MCM7: variants seen among roughly 807,000 people sequenced by gnomAD.
MCM7 encodes DNA replication licensing factor MCM7.
In MCM7, 95 loss-of-function variants were observed where a neutral mutation model predicts 83.5. The observed-to-expected ratio is 1.14, with a 90% CI of 0.96 to 1.35. The LOEUF (loss-of-function observed/expected upper bound fraction) is 1.35, where lower values mean the gene tolerates loss of function less well. Ranked by LOEUF, MCM7 falls within the 40% of genes most tolerant of loss-of-function variation. The pLI, the probability that MCM7 is intolerant of heterozygous loss-of-function variation, is 0.00. For missense variants in MCM7, 1,087 were observed against 957.4 expected, an observed-to-expected ratio of 1.14 and a Z score of -1.79; for synonymous variants, 461 against 352.7, an observed-to-expected ratio of 1.31 and a Z score of -3.44.
At position 100,095,779 on chromosome 7, in the gene MCM7, G is replaced by A; in HGVS notation, c.1590C>T (p.Asp530=). The part of the protein sequence containing the change: ...LIQDRPDRDN[D]LRLAQHITYV... The stretch of plus-strand genomic sequence containing the variant: ...GGGTGTTGAGCTTCATTCACCGTAG[G>A]TCATTGTCTCGGTCGGGCCGGTCCT... Residue 530 remains aspartate (D), a synonymous_variant, in exon 11 of 15, where the codon GAC becomes GAT. Transcript: ENST00000303887. 6.3e-7 allele frequency: 1 copy of A among 1,577,010 alleles called. No homozygotes were observed. Among genetic ancestry groups the A allele is most frequent in the African/African-American group, 1.3e-5 (1 of 74,516 alleles).
intron 11 of MCM7, 104 bp downstream of exon 11, chr7:100,095,670 T>A (rs778571298): frequency 7.2e-5 from 105 of 1,455,748 alleles, no homozygotes; most frequent in Non-Finnish European, 9.1e-5. Flanking sequence ...AAGGGGAGGC[T>A]CTGGGGTTTC....
chr7:100,098,939 A>T (rs924815474), intron 5 of MCM7, 84 bp downstream of exon 5: 8 of 1,561,422 alleles, frequency 5.1e-6, no homozygotes, highest in Non-Finnish European at 7.0e-6. Context: ...CAACCAAATA[A>T]AACAATAGGC....
chr7:100,093,417 G>A lies in MCM7; in HGVS notation c.1849-16C>T, dbSNP rs757428191. The A allele has an allele frequency of 1.6e-5, 26 of 1,611,448 alleles. No individual in the cohort carries two copies. Among genetic ancestry groups the A allele is most frequent in the South Asian group, 2.2e-5 (2 of 91,048 alleles). ...TCAGACGTGCCTAAGGGGAAGGTAG[G>A]GGGGAAAGATGGGAACGGGAGGAGG... On this transcript the variant is annotated splice_polypyrimidine_tract_variant and intron_variant, in intron 13 of 14. Coordinates refer to ENST00000303887, the MANE Select transcript of MCM7 (RefSeq NM_005916.5).
chr7:100,099,066 GCCA>G lies in MCM7; in HGVS notation c.536_538del (p.Val179del), dbSNP rs748325812. 1.2e-6 allele frequency: 2 copies of G among 1,614,034 alleles called. No individual in the cohort carries two copies. Among genetic ancestry groups the G allele is most frequent in the Admixed American group, 1.7e-5 (1 of 59,998 alleles). On this transcript the variant is annotated inframe_deletion, in exon 5 of 15. Coordinates refer to ENST00000303887, the MANE Select transcript of MCM7 (RefSeq NM_005916.5). The stretch of plus-strand genomic sequence containing the variant: ...CCCACACTGGTCACAAGTGTAAGTG[GCCA>G]CCACCATCTTGGGTTTGACTTCAGA...
intron 1 of MCM7, 136 bp from the exon 2 acceptor site, chr7:100,100,229 T>C: frequency 2.1e-6 from 3 of 1,435,284 alleles, no homozygotes; most frequent in Non-Finnish European, 2.7e-6. Context: ...CTCCCCAAAG[T>C]GGGCATAACT....
In MCM7 at chr7:100,099,815, T is replaced by C. The variant is rs886693989; in HGVS notation, c.112-62A>G. ...CATTCACTTTGCTCACCAGTGTTCA[T>C]ATGTGAAAATGCATCACTGAGAACT... On this transcript the variant is annotated intron_variant, in intron 2 of 14. Coordinates refer to ENST00000303887, the MANE Select transcript of MCM7 (RefSeq NM_005916.5). 9.5e-5 allele frequency: 152 copies of C among 1,591,744 alleles called. No homozygotes were observed. In the South Asian group the frequency reaches 1.0e-3, roughly 11 times the overall value.
Position 100,101,295 on chromosome 7 carries a change from C to T in MCM7, c.-1G>A, listed in dbSNP as rs534812375. The T allele has an allele frequency of 1.7e-5, 27 of 1,613,282 alleles. No homozygotes were observed. The African/African-American group carries it at 3.6e-4, about 21-fold the overall frequency. On this transcript the variant is annotated 5_prime_UTR_variant, in exon 1 of 15. Transcript: ENST00000303887. ...CTAGCGCGTAGTCCTTCAGTGCCAT[C>T]GCTGCCGAGGGCCGTGCGGCCGCGC...
At position 100,099,389 on chromosome 7, in the gene MCM7, A is replaced by G. The variant is rs1795815484; in HGVS notation, c.291T>C (p.Asp97=). 1.2e-6 allele frequency: 2 copies of G among 1,604,528 alleles called. No individual in the cohort carries two copies. The highest frequency in any genetic ancestry group is 1.7e-6 in the Non-Finnish European group (2 of 1,175,170). ...QYKEREVVNK[D]VLDVYIEHRL... is the part of the protein sequence containing the mutation. ...GATGCTCAATGTAAACGTCCAGGAC[A>G]TCTTTATTTACCACCTAAAGGAGAA... The change falls in exon 4 of 15, where the codon GAT becomes GAC. Residue 97 remains aspartate, a synonymous_variant. Coordinates refer to ENST00000303887, the MANE Select transcript of MCM7 (RefSeq NM_005916.5).
In MCM7 at chr7:100,095,895, A is replaced by G. The variant is rs751673296; in HGVS notation, c.1474T>C (p.Tyr492His). 3.7e-6 allele frequency: 6 copies of G among 1,613,958 alleles called. No homozygotes were observed. The highest frequency in any genetic ancestry group is 5.1e-6 in the Non-Finnish European group (6 of 1,180,004). The change falls in exon 11 of 15, where the codon TAC becomes CAC. Residue 492 changes from tyrosine (Y) to histidine (H), a missense_variant. Physicochemically the swap from Tyr to His is moderately conservative, Grantham distance 83 (BLOSUM62 2). Transcript: ENST00000303887. ...CTGCGGCGAGGGTTGTAGCGCCCGT[A>G]GGCAGGGTTGGCGGCAGCCAGGATG... ...CSILAAANPA[Y>H]GRYNPRRSLE... is the part of the protein sequence containing the mutation.
rs778913504 is a variant in MCM7 at position 100,098,194 on chromosome 7, C to T, written c.817G>A (p.Val273Ile). 47 of 1,614,034 alleles carry T rather than the reference C, an allele frequency of 2.9e-5. 1 individual carries two copies. The Middle Eastern group carries it at 3.5e-3, about 119-fold the overall frequency. Residue 273 changes from valine to isoleucine, a missense_variant, in exon 7 of 15, where the codon GTC becomes ATC. Transcript: ENST00000303887. ...RIAQPGDHVS[V>I]TGIFLPILRT... ...AGGATTGGCAAGAAAATACCAGTGACGCTGACGTGGTCTCCAGGCTGGGCA... is the reference window on the plus strand; with the variant it reads ...AGGATTGGCAAGAAAATACCAGTGATGCTGACGTGGTCTCCAGGCTGGGCA...
At chr7:100,100,515 G>C in intron 1 of MCM7, 2 of 993,438 alleles carry the variant, frequency 2.0e-6, no homozygotes, top group Non-Finnish European at 2.4e-6. Flanking sequence ...TCCCGCCATC[G>C]CTTCCGCTCT....
intron 1 of MCM7, chr7:100,100,765 G>A (rs764414423): frequency 4.1e-5 from 41 of 991,998 alleles, no homozygotes; most frequent in Non-Finnish European, 4.9e-5. Flanking sequence ...ACTCCCTCCA[G>A]CCTCCTCGCG....
Position 100,098,563 on chromosome 7 carries a change from G to C in MCM7, c.720+15C>G. ...TCCCGATCCACCTGCCCAGGGCCAC[G>C]TACCCCAAACTCACATGTTCTTGCA... On this transcript the variant is annotated intron_variant, in intron 6 of 14. Coordinates refer to ENST00000303887, the MANE Select transcript of MCM7 (RefSeq NM_005916.5). 1 of 1,613,894 alleles carries C rather than the reference G, an allele frequency of 6.2e-7. No homozygotes were observed. The highest frequency in any genetic ancestry group is 8.5e-7 in the Non-Finnish European group (1 of 1,179,878).
At chr7:100,098,877 G>A (rs1326734321) in intron 5 of MCM7, 146 bp downstream of exon 5, 3 of 1,342,902 alleles carry the variant, frequency 2.2e-6, no homozygotes, top group Non-Finnish European at 3.0e-6. Context: ...AAAATAGGTA[G>A]AAAGACCACT....
intron 1 of MCM7, 100 bp downstream of exon 1, chr7:100,101,164 A>G: frequency 6.7e-7 from 1 of 1,490,690 alleles, no homozygotes; most frequent in East Asian, 2.3e-5. Context: ...GCACCCCAGA[A>G]CCCGCCGACC....
rs1795931047 is a variant in MCM7, at chr7:100,100,559, A to G, written c.32-466T>C. ...AAAGAAGCACATGGGCCCGGATTCC[A>G]GCCGCTTCACAGCTCGGGATTCCTC... On this transcript the variant is annotated intron_variant, in intron 1 of 14. Coordinates refer to ENST00000303887, the MANE Select transcript of MCM7 (RefSeq NM_005916.5). 6.0e-6 allele frequency: 6 copies of G among 991,864 alleles called. No homozygotes were observed. In the South Asian group the frequency reaches 2.6e-4, roughly 43 times the overall value. 61.4% of individuals were successfully genotyped at this position (991,864 alleles called of 1,614,324 possible).
Position 100,099,003 on chromosome 7 carries a change from G to A in MCM7, c.582+20C>T. 1 of 1,613,200 alleles carries A rather than the reference G, an allele frequency of 6.2e-7. No individual in the cohort carries two copies. Among genetic ancestry groups the A allele is most frequent in the Non-Finnish European group, 8.5e-7 (1 of 1,179,232 alleles). ...ACAACTAATGGGTAAGTGCTTTCCT[G>A]CTTCTTGCTCCACACGTACCGGCTG... On this transcript the variant is annotated intron_variant, in intron 5 of 14. Coordinates refer to ENST00000303887, the MANE Select transcript of MCM7 (RefSeq NM_005916.5).
Position 100,093,145 on chromosome 7 carries a change from G to T in MCM7, c.1959-12C>A. On this transcript the variant is annotated splice_polypyrimidine_tract_variant and intron_variant, in intron 14 of 14. Coordinates refer to ENST00000303887, the MANE Select transcript of MCM7 (RefSeq NM_005916.5). ...CTGGTCTCTGAGTCCTGAAGGAAAT[G>T]AGTGGGTGTGTAAGGTCAGGATACA... is the stretch of plus-strand genomic sequence containing the variant. 1 of 1,612,826 alleles carries T rather than the reference G, an allele frequency of 6.2e-7. No homozygotes were observed. Among genetic ancestry groups the T allele is most frequent in the Non-Finnish European group, 8.5e-7 (1 of 1,179,226 alleles).
At chr7:100,100,500 C>A (rs367804354) in intron 1 of MCM7, 3 of 1,002,752 alleles carry the variant, frequency 3.0e-6, no homozygotes, top group African/African-American at 3.5e-5. Context: ...GCACCCCACC[C>A]CCGCTCCCGC....
Sources: gnomAD v4.1 joint callset for allele counts on GRCh38, gnomAD v4.1.1 for gene constraint, MANE v1.5 for transcripts, NCBI Gene and HGNC (gene_info 2026-07-23, HGNC 2026-07-21) for gene names.